The following EIF4G3 variants were observed in gnomAD, a reference collection of about 807,000 sequenced individuals.
The protein encoded by EIF4G3 is eIF-4-gamma 3.
In EIF4G3, 34 loss-of-function variants were observed where a neutral mutation model predicts 186.4. The ratio of observed to expected loss-of-function variants is 0.18; its 90% CI spans 0.14 to 0.24. The LOEUF is 0.24. EIF4G3 is among the 10% of genes least tolerant of loss of function. The pLI, the probability that EIF4G3 is intolerant of heterozygous loss-of-function variation, is 1.00. For synonymous variants in EIF4G3, 673 were observed against 679.5 expected (o/e 0.99, Z 0.15); for missense variants, 1,536 against 1,948.5 (o/e 0.79, Z 3.99).
At chr1:21,155,897 C>T (rs1295552123) in intron 2 of EIF4G3, among the ~76,000 whole-genome samples, 1 of 152,024 alleles carries the variant, frequency 6.6e-6, no homozygotes, top group Non-Finnish European at 1.5e-5. Context: ...GACGCTGAGG[C>T]AGGAGGATCA....
chr1:20,898,713 T>C (rs535422561), intron 16 of EIF4G3, among the ~76,000 whole-genome samples: 16 of 152,252 alleles, frequency 1.1e-4, no homozygotes, highest in South Asian at 8.3e-4. Flanking sequence ...AGGAAAACTT[T>C]TCACCTACTC....
chr1:20,832,135 G>A (rs1294736670), intron 30 of EIF4G3, among the ~76,000 whole-genome samples: 1 of 147,262 alleles, frequency 6.8e-6, no homozygotes, highest in Non-Finnish European at 1.5e-5. Flanking sequence ...GTAATGGGAT[G>A]GCTGGGTCAA....
At chr1:21,067,472 T>C (rs551094273) in intron 3 of EIF4G3, among the ~76,000 whole-genome samples, 3 of 152,264 alleles carry the variant, frequency 2.0e-5, no homozygotes, top group Admixed American at 6.5e-5. Context: ...TGATTTAACA[T>C]TTAATGAGCA....
In EIF4G3 at chr1:20,911,060, T is replaced by C. The variant is rs536741661; in HGVS notation, c.1664-6089A>G. On this transcript the variant is annotated intron_variant, in intron 14 of 36. Transcript: ENST00000602326. The stretch of plus-strand genomic sequence containing the variant: ...TTTATCCTGTATGACTAATCCACTT[T>C]AGTCTTGTTATAGATTGTAGGATAG... Among the ~76,000 whole-genome samples, 7 of 152,348 alleles carry C rather than the reference T, an allele frequency of 4.6e-5. No individual in the cohort carries two copies. In the South Asian group the frequency reaches 1.0e-3, roughly 23 times the overall value.
intron 11 of EIF4G3, among the ~76,000 whole-genome samples, chr1:20,969,818 G>C (rs1338278117): frequency 2.0e-5 from 3 of 152,074 alleles, no homozygotes; most frequent in African/African-American, 7.2e-5. Context: ...AAACCTAGTT[G>C]GCTGGATTTC....
At chr1:20,954,102 A>G (rs531592597) in intron 12 of EIF4G3, among the ~76,000 whole-genome samples, 1 of 152,364 alleles carries the variant, frequency 6.6e-6, no homozygotes, top group South Asian at 2.1e-4. Context: ...AAATATAAGC[A>G]AAGAGTTGAT....
At chr1:20,878,759 A>G (rs1417254941) in intron 20 of EIF4G3, among the ~76,000 whole-genome samples, 5 of 152,230 alleles carry the variant, frequency 3.3e-5, no homozygotes. Flanking sequence ...AATGAACACT[A>G]ACCAGAAGCT....
Position 20,849,522 on chromosome 1 carries a change from C to T in EIF4G3, c.3781G>A (p.Glu1261Lys). 1 of 1,526,238 alleles carries T rather than the reference C, an allele frequency of 6.6e-7. No homozygotes were observed. The highest frequency in any genetic ancestry group is 2.4e-5 in the East Asian group (1 of 41,380). 94.5% of individuals were successfully genotyped at this position (1,526,238 alleles called of 1,614,324 possible). A position where few individuals can be genotyped will look rare whatever the true frequency, so the allele number is the denominator to read the frequency against. Residue 1261 changes from glutamate (E) to lysine (K), a missense_variant, in exon 29 of 37, where the codon GAA becomes AAA. Around this residue, in one of 11 missense-constraint regions of EIF4G3, gnomAD observed 395 missense variants for 498.9 expected, o/e 0.79. Transcript: ENST00000602326. ...TCATGAGCTGACATTGCTGAAATTTCTGGTTTTGCTATTAGTGAGGCCCCC... is the reference window on the plus strand; with the variant it reads ...TCATGAGCTGACATTGCTGAAATTTTTGGTTTTGCTATTAGTGAGGCCCCC... ...RNKTRESAKPEISAMSAHDKA... is the reference protein window; with the variant it reads ...RNKTRESAKPKISAMSAHDKA...
At chr1:21,130,276 G>A (rs2097130286) in intron 2 of EIF4G3, among the ~76,000 whole-genome samples, 2 of 147,810 alleles carry the variant, frequency 1.4e-5, no homozygotes, top group African/African-American at 5.1e-5. Flanking sequence ...CCAGGCTAGG[G>A]TGCAGTGGGG....
chr1:20,908,816 ATG>A (rs1484137303), intron 14 of EIF4G3, among the ~76,000 whole-genome samples: 3 of 151,680 alleles, frequency 2.0e-5, no homozygotes, highest in East Asian at 3.9e-4. Flanking sequence ...TAAAACCCAC[ATG>A]TGTTTTTAAA....
At chr1:21,116,620 A>T (rs1355848466) in intron 2 of EIF4G3, among the ~76,000 whole-genome samples, 1 of 152,020 alleles carries the variant, frequency 6.6e-6, no homozygotes, top group Non-Finnish European at 1.5e-5. Flanking sequence ...GGTGCGGATC[A>T]CAGGGTCAGG....
chr1:20,821,622 C>T (rs983484315), intron 33 of EIF4G3, among the ~76,000 whole-genome samples: 2 of 151,172 alleles, frequency 1.3e-5, no homozygotes, highest in Non-Finnish European at 3.0e-5. Context: ...ACCATCTTCC[C>T]TATTATGTAT....
intron 34 of EIF4G3, among the ~76,000 whole-genome samples, chr1:20,815,352 G>A (rs1230417513): frequency 5.8e-5 from 7 of 120,986 alleles, no homozygotes; most frequent in Admixed American, 1.7e-4. Context: ...GTCTCTGCCC[G>A]GCTGCCATCC....
At chr1:20,890,161 C>T (rs953424389) in intron 18 of EIF4G3, among the ~76,000 whole-genome samples, 2 of 151,838 alleles carry the variant, frequency 1.3e-5, no homozygotes, top group Admixed American at 6.6e-5. Flanking sequence ...TTAGTAGACA[C>T]ACGGTTTTGT....
At chr1:21,003,701 A>G (rs527850521) in intron 4 of EIF4G3, 1 of 375,048 alleles carries the variant, frequency 2.7e-6, no homozygotes. Flanking sequence ...GTTGCACATC[A>G]TATCTCAGGC....
At chr1:20,919,446 C>T (rs2094280236) in intron 14 of EIF4G3, among the ~76,000 whole-genome samples, 1 of 152,130 alleles carries the variant, frequency 6.6e-6, no homozygotes, top group African/African-American at 2.4e-5. Flanking sequence ...CTCAACCAAT[C>T]CACCCAACTT....
At chr1:20,925,121 C>T (rs1314205770) in intron 14 of EIF4G3, among the ~76,000 whole-genome samples, 1 of 152,138 alleles carries the variant, frequency 6.6e-6, no homozygotes, top group Admixed American at 6.5e-5. Context: ...GTGCATTATA[C>T]ATGTGAATGT....
chr1:20,870,171 T>C (rs1367962942), intron 20 of EIF4G3, among the ~76,000 whole-genome samples: 1 of 152,082 alleles, frequency 6.6e-6, no homozygotes, highest in East Asian at 1.9e-4. Context: ...GGCTGACTTG[T>C]CATGTCTGCA....
At chr1:21,148,088 G>T (rs1283627487) in intron 2 of EIF4G3, among the ~76,000 whole-genome samples, 1 of 152,138 alleles carries the variant, frequency 6.6e-6, no homozygotes, top group East Asian at 1.9e-4. Context: ...CTTTTCAAGA[G>T]AAGAGTCTTG....
Sources: gnomAD v4.1 joint callset for allele counts (sites outside exome capture counted in the v4.1 genomes callset) on GRCh38, gnomAD v4.1.1 for gene constraint, gnomAD v4.1.1 regional missense constraint, MANE v1.5 for transcripts, NCBI Gene and HGNC (gene_info 2026-07-23, HGNC 2026-07-21) for gene names.